The following POFUT3 variants were observed in gnomAD, a reference collection of about 807,000 sequenced individuals.
The protein encoded by POFUT3 is GDP-fucose protein O-fucosyltransferase 3.
At chr8:33,406,079 G>A in the POFUT3 span, among the ~76,000 whole-genome samples, 7,202 of 152,110 alleles carry the variant, frequency 0.047, 370 homozygotes, top group African/African-American at 0.12. Context: ...CATATGAGGA[G>A]AGACAGATAA....
At chr8:33,408,274 T>C in the POFUT3 span, among the ~76,000 whole-genome samples, 1 of 150,966 alleles carries the variant, frequency 6.6e-6, no homozygotes, top group Non-Finnish European at 1.5e-5. Flanking sequence ...CAGTGAGCTA[T>C]GATCACACCA....
At chr8:33,359,634 G>A in the POFUT3 span, among the ~76,000 whole-genome samples, 1 of 152,100 alleles carries the variant, frequency 6.6e-6, no homozygotes, top group Non-Finnish European at 1.5e-5. Context: ...ATGAAAAGAA[G>A]TTTAAAATTT....
chr8:33,383,677 T>C, the POFUT3 span, among the ~76,000 whole-genome samples: 41 of 152,224 alleles, frequency 2.7e-4, no homozygotes, highest in African/African-American at 9.9e-4. Context: ...TGCACACCTG[T>C]AATCCCAGCT....
the POFUT3 span, among the ~76,000 whole-genome samples, chr8:33,365,791 CT>C: frequency 6.6e-6 from 1 of 152,184 alleles, no homozygotes; most frequent in African/African-American, 2.4e-5. Flanking sequence ...AATAGGAATG[CT>C]TTTACACTGT....
the POFUT3 span, among the ~76,000 whole-genome samples, chr8:33,397,242 C>T: frequency 0.2 from 29,910 of 152,044 alleles, 3,510 homozygotes; most frequent in East Asian, 0.46. Context: ...TATCCAAGCA[C>T]GAAACAAAAT....
the POFUT3 span, among the ~76,000 whole-genome samples, chr8:33,362,036 C>T: frequency 6.6e-6 from 1 of 152,148 alleles, no homozygotes; most frequent in Admixed American, 6.6e-5. Context: ...GAGTTATGCA[C>T]AAAGGGAAGC....
the POFUT3 span, among the ~76,000 whole-genome samples, chr8:33,386,066 G>T: frequency 6.6e-6 from 1 of 151,628 alleles, no homozygotes; most frequent in Non-Finnish European, 1.5e-5. Context: ...GCATGCGCTT[G>T]TAATCCCAGC....
the POFUT3 span, among the ~76,000 whole-genome samples, chr8:33,314,364 AT>A: frequency 6.6e-6 from 1 of 152,148 alleles, no homozygotes; most frequent in East Asian, 1.9e-4. Flanking sequence ...CTTTTGTATT[AT>A]TTGCCTTTCA....
At chr8:33,370,579 G>T in the POFUT3 span, among the ~76,000 whole-genome samples, 1 of 152,174 alleles carries the variant, frequency 6.6e-6, no homozygotes, top group African/African-American at 2.4e-5. Context: ...CACTAAATTT[G>T]TTCAGGGATA....
the POFUT3 span, among the ~76,000 whole-genome samples, chr8:33,458,154 G>T: frequency 6.6e-6 from 1 of 152,128 alleles, no homozygotes; most frequent in Non-Finnish European, 1.5e-5. Flanking sequence ...AGAGAAGGCA[G>T]TGTAAAGATA....
At chr8:33,380,402 T>C in the POFUT3 span, among the ~76,000 whole-genome samples, 2 of 149,900 alleles carry the variant, frequency 1.3e-5, no homozygotes, top group Non-Finnish European at 3.0e-5. Context: ...CTTTCAATTC[T>C]GACATTGTAT....
the POFUT3 span, among the ~76,000 whole-genome samples, chr8:33,365,976 A>T: frequency 6.6e-6 from 1 of 152,214 alleles, no homozygotes; most frequent in Non-Finnish European, 1.5e-5. Context: ...TTGTGGCACT[A>T]TTCACAATAG....
At chr8:33,468,975 A>T in the POFUT3 span, among the ~76,000 whole-genome samples, 1 of 152,228 alleles carries the variant, frequency 6.6e-6, no homozygotes, top group Non-Finnish European at 1.5e-5. Flanking sequence ...AAATGTATCT[A>T]ATTATCAAAT....
At chr8:33,411,083 C>T in the POFUT3 span, among the ~76,000 whole-genome samples, 2 of 152,126 alleles carry the variant, frequency 1.3e-5, no homozygotes, top group South Asian at 2.1e-4. Context: ...CCCCCAGTAA[C>T]TTGGAGCTAG....
the POFUT3 span, among the ~76,000 whole-genome samples, chr8:33,351,958 T>C: frequency 6.6e-6 from 1 of 152,190 alleles, no homozygotes; most frequent in African/African-American, 2.4e-5. Flanking sequence ...GTGAAGGAGC[T>C]GGGGTTCACA....
the POFUT3 span, among the ~76,000 whole-genome samples, chr8:33,331,629 C>T: frequency 6.6e-6 from 1 of 152,106 alleles, no homozygotes; most frequent in Non-Finnish European, 1.5e-5. Flanking sequence ...TGAGACCAGC[C>T]TGAGCAACAT....
the POFUT3 span, among the ~76,000 whole-genome samples, chr8:33,330,792 C>G: frequency 1.6e-4 from 24 of 152,242 alleles, 2 homozygotes; most frequent in South Asian, 5.0e-3. Context: ...AAAACCCATG[C>G]TCCAGTCATC....
the POFUT3 span, among the ~76,000 whole-genome samples, chr8:33,418,054 C>G: frequency 6.6e-6 from 1 of 152,198 alleles, no homozygotes; most frequent in East Asian, 1.9e-4. Context: ...GGGTCCAACC[C>G]ACGCCCAAAC....
chr8:33,366,134 G>A, the POFUT3 span, among the ~76,000 whole-genome samples: 2 of 152,100 alleles, frequency 1.3e-5, no homozygotes, highest in Middle Eastern at 3.2e-3. Flanking sequence ...GGAAACCATC[G>A]TTCTCAGCAA....
Sources: gnomAD v4.1 joint callset for allele counts (sites outside exome capture counted in the v4.1 genomes callset) on GRCh38, gnomAD v4.1.1 for gene constraint, MANE v1.5 for transcripts, NCBI Gene and HGNC (gene_info 2026-07-23, HGNC 2026-07-21) for gene names.